MAPK10: variants seen among roughly 807,000 people sequenced by gnomAD.
The protein encoded by MAPK10 is JNK3 alpha protein kinase.
MAPK10 carries 25 observed loss-of-function variants against 59.3 expected under a neutral mutation model. The observed-to-expected ratio is 0.42, with a 90% CI of 0.31 to 0.59. The LOEUF (loss-of-function observed/expected upper bound fraction) is 0.59, where lower values mean the gene tolerates loss of function less well. Among genes scored for constraint, MAPK10 ranks in the 20% least tolerant of loss-of-function variants. The probability of loss-of-function intolerance (pLI) is 0.15; values close to 1 mark genes in which losing one functional copy is unlikely to be tolerated. For synonymous variants in MAPK10, 190 were observed against 200.5 expected, an observed-to-expected ratio of 0.95 and a Z score of 0.44; for missense variants, 351 against 568.9, an observed-to-expected ratio of 0.62 and a Z score of 3.90.
intron 1 of MAPK10, among the ~76,000 whole-genome samples, chr4:86,478,417 G>A (rs1289646267): frequency 6.6e-6 from 1 of 152,126 alleles, no homozygotes; most frequent in Non-Finnish European, 1.5e-5. Context: ...TTACTGTTTT[G>A]CCTAGCCCTC....
In MAPK10 at chr4:86,141,091, C is replaced by G. The variant is rs528636942; in HGVS notation, c.236+18207G>C. Among the ~76,000 whole-genome samples, 56 of 152,262 alleles carry G rather than the reference C, an allele frequency of 3.7e-4. No homozygotes were observed. In the South Asian group the frequency reaches 0.011, roughly 31 times the overall value. ...AATTAAGGCCTAAAAATACAATTAA[C>G]TTGTTCAAAGTCATTCAGCTTATTT... is the stretch of plus-strand genomic sequence containing the variant. On this transcript the variant is annotated intron_variant, in intron 4 of 13. Coordinates refer to ENST00000641462, the MANE Select transcript of MAPK10 (RefSeq NM_138982.4).
At chr4:86,569,387 A>G (rs930003526) in intron 1 of MAPK10, among the ~76,000 whole-genome samples, 3 of 152,144 alleles carry the variant, frequency 2.0e-5, no homozygotes, top group Non-Finnish European at 4.4e-5. Flanking sequence ...GAAAAACAGT[A>G]CAGAAAATTC....
chr4:86,432,432 G>T (rs957283601), intron 1 of MAPK10, among the ~76,000 whole-genome samples: 38 of 151,968 alleles, frequency 2.5e-4, no homozygotes, highest in African/African-American at 8.7e-4. Context: ...ACACCAGGAC[G>T]CCCAGCTAAT....
At chr4:86,384,974 T>C (rs999870057) in intron 1 of MAPK10, among the ~76,000 whole-genome samples, 4 of 152,160 alleles carry the variant, frequency 2.6e-5, no homozygotes, top group African/African-American at 9.7e-5. Flanking sequence ...CATTTAGATA[T>C]ATCTAAACAG....
chr4:86,342,223 G>A (rs1385579591), intron 2 of MAPK10, among the ~76,000 whole-genome samples: 6 of 152,142 alleles, frequency 3.9e-5, no homozygotes, highest in African/African-American at 1.4e-4. Flanking sequence ...TAAAAATAAT[G>A]AGATACAATG....
intron 3 of MAPK10, among the ~76,000 whole-genome samples, chr4:86,189,862 A>G (rs1183307682): frequency 6.6e-6 from 1 of 152,116 alleles, no homozygotes; most frequent in Non-Finnish European, 1.5e-5. Flanking sequence ...TTTCCCATTC[A>G]GTATGATACT....
At chr4:86,475,797 T>C (rs1461736232) in intron 1 of MAPK10, among the ~76,000 whole-genome samples, 1 of 151,806 alleles carries the variant, frequency 6.6e-6, no homozygotes, top group African/African-American at 2.4e-5. Flanking sequence ...GTCTCTACTC[T>C]CTCTTTTCTC....
chr4:86,142,619 C>G (rs1035663236), intron 4 of MAPK10, among the ~76,000 whole-genome samples: 33 of 152,088 alleles, frequency 2.2e-4, no homozygotes, highest in African/African-American at 8.0e-4. Flanking sequence ...GCTATTGGCT[C>G]TAATCCATAT....
intron 2 of MAPK10, among the ~76,000 whole-genome samples, chr4:86,274,919 C>T (rs2094530955): frequency 6.6e-6 from 1 of 151,954 alleles, no homozygotes; most frequent in South Asian, 2.1e-4. Flanking sequence ...AGGAATTTGG[C>T]TTAGGGCTCT....
Position 86,168,276 on chromosome 4 carries a change from A to C in MAPK10, c.67-8809T>G, listed in dbSNP as rs567814129. Among the ~76,000 whole-genome samples, 17 of 152,352 alleles carry C rather than the reference A, an allele frequency of 1.1e-4. No homozygotes were observed. In the South Asian group the frequency reaches 3.5e-3, roughly 32 times the overall value. On this transcript the variant is annotated intron_variant, in intron 3 of 13. Coordinates refer to ENST00000641462, the MANE Select transcript of MAPK10 (RefSeq NM_138982.4). ...GGGTGAGGCATTGCCTCACTCGGGAAGTGCAAGGGTCAGGGAGTTCCCTTT... is the reference window on the plus strand; with the variant it reads ...GGGTGAGGCATTGCCTCACTCGGGACGTGCAAGGGTCAGGGAGTTCCCTTT...
At chr4:86,103,054 G>A in intron 6 of MAPK10, 132 bp downstream of exon 6, 1 of 593,580 alleles carries the variant, frequency 1.7e-6, no homozygotes, top group Non-Finnish European at 2.9e-6. Flanking sequence ...CTCTCTTTGA[G>A]CAGTATAAGG....
At chr4:86,039,151 C>T (rs997969949) in intron 11 of MAPK10, among the ~76,000 whole-genome samples, 1 of 152,202 alleles carries the variant, frequency 6.6e-6, no homozygotes, top group Non-Finnish European at 1.5e-5. Context: ...CCAGTGCTCC[C>T]TCTCTCACAG....
chr4:86,234,358 ATAGAT>A (rs2091982986), intron 2 of MAPK10, among the ~76,000 whole-genome samples: 1 of 152,170 alleles, frequency 6.6e-6, no homozygotes, highest in Admixed American at 6.5e-5. Context: ...AAAATTCAGA[ATAGAT>A]TATTTTCAAA....
chr4:86,112,119 T>C (rs540406727), intron 4 of MAPK10, among the ~76,000 whole-genome samples: 1 of 149,718 alleles, frequency 6.7e-6, no homozygotes, highest in South Asian at 2.2e-4. Flanking sequence ...ATTATTAATC[T>C]AGTTAGTGGT....
At chr4:86,283,246 A>T (rs2094882237) in intron 2 of MAPK10, among the ~76,000 whole-genome samples, 1 of 152,208 alleles carries the variant, frequency 6.6e-6, no homozygotes, top group African/African-American at 2.4e-5. Context: ...CATGTAGAAT[A>T]TGTCATTCAA....
rs1385438802 is a variant in MAPK10 at position 86,017,758 on chromosome 4, C to CT, written c.1253-389dup. Among the ~76,000 whole-genome samples the CT allele has an allele frequency of 6.6e-6, 1 of 152,150 alleles. No homozygotes were observed. Among genetic ancestry groups the CT allele is most frequent in the African/African-American group, 2.4e-5 (1 of 41,432 alleles). The stretch of plus-strand genomic sequence containing the variant: ...ATTTTTTTTGAGATGGAGTCTCGCT[C>CT]TGTCGCCAGGCTGGAGTGCAGCGGC... On this transcript the variant is annotated intron_variant, in intron 13 of 13. Transcript: ENST00000641462. This position sits in a 1 kb window ranked among gnomAD's most constrained non-coding sequence, Gnocchi z 4.4.
chr4:86,118,573 TACACATACACACACACAC>T (rs2058659518), intron 4 of MAPK10, among the ~76,000 whole-genome samples: 1 of 86,762 alleles, frequency 1.2e-5, no homozygotes, highest in African/African-American at 4.1e-5. Flanking sequence ...TTTATATAAA[TACACATACACACACACAC>T]ACACACACAC....
intron 1 of MAPK10, among the ~76,000 whole-genome samples, chr4:86,589,909 G>A (rs1378679280): frequency 6.6e-6 from 1 of 150,628 alleles, no homozygotes; most frequent in African/African-American, 2.4e-5. Context: ...GCGTGAACCC[G>A]GCAGGCAGAG....
At chr4:86,169,588 T>C (rs554161568) in intron 3 of MAPK10, among the ~76,000 whole-genome samples, 5 of 152,218 alleles carry the variant, frequency 3.3e-5, no homozygotes, top group East Asian at 1.9e-4. Flanking sequence ...CTACATCTGA[T>C]TGGTGTACCT....
Sources: gnomAD v4.1 joint callset for allele counts (sites outside exome capture counted in the v4.1 genomes callset) on GRCh38, gnomAD v4.1.1 for gene constraint, Gnocchi (gnomAD v3.1) non-coding constraint, MANE v1.5 for transcripts, NCBI Gene and HGNC (gene_info 2026-07-23, HGNC 2026-07-21) for gene names.